The following GALNTL6 variants were observed in gnomAD, a reference collection of about 807,000 sequenced individuals.
The protein encoded by GALNTL6 is polypeptide N-acetylgalactosaminyltransferase like 6, also known as polypeptide N-acetylgalactosaminyltransferase-like 6.
In GALNTL6, 46 loss-of-function variants were observed where a neutral mutation model predicts 73.7. The ratio of observed to expected loss-of-function variants is 0.62; its 90% confidence interval spans 0.49 to 0.80. The LOEUF (loss-of-function observed/expected upper bound fraction) is 0.80. Among genes scored for constraint, GALNTL6 ranks in the 30% least tolerant of loss-of-function variants. The probability of loss-of-function intolerance (pLI) is 0.00; values close to 1 mark genes in which losing one functional copy is unlikely to be tolerated. For missense variants in GALNTL6, 604 were observed against 755.0 expected (o/e 0.80, Z 2.34); for synonymous variants, 259 against 263.7 (o/e 0.98, Z 0.17).
At chr4:172,564,061 T>A in intron 5 of GALNTL6, among the ~76,000 whole-genome samples, 1 of 152,214 alleles carries the variant, frequency 6.6e-6, no homozygotes, top group Non-Finnish European at 1.5e-5. Flanking sequence ...CTCTGTCTCA[T>A]TTAGTTTTAT....
chr4:172,195,335 T>C (rs572268714), intron 2 of GALNTL6, among the ~76,000 whole-genome samples: 2 of 152,274 alleles, frequency 1.3e-5, no homozygotes, highest in Admixed American at 6.5e-5. Context: ...CACAGGATAA[T>C]AGTGGGATAT....
chr4:172,725,404 A>C (rs1735736914), intron 5 of GALNTL6, among the ~76,000 whole-genome samples: 1 of 152,170 alleles, frequency 6.6e-6, no homozygotes. Context: ...TGTCAGGAAA[A>C]ATATTACTCC....
At chr4:172,676,070 C>T (rs1047798607) in intron 5 of GALNTL6, among the ~76,000 whole-genome samples, 1 of 152,090 alleles carries the variant, frequency 6.6e-6, no homozygotes, top group Admixed American at 6.5e-5. Context: ...TGACCCAGAA[C>T]AAAAAAGTAT....
intron 2 of GALNTL6, among the ~76,000 whole-genome samples, chr4:171,883,350 TCAAAA>T: frequency 6.6e-6 from 1 of 152,194 alleles, no homozygotes; most frequent in East Asian, 1.9e-4. Flanking sequence ...AGACTCCATC[TCAAAA>T]CAAAAGTAAA....
At chr4:172,506,091 G>A (rs13147455) in intron 5 of GALNTL6, among the ~76,000 whole-genome samples, 35,409 of 53,186 alleles carry the variant, frequency 0.67, 17,157 homozygotes, top group Non-Finnish European at 0.99. Flanking sequence ...CCAGAGTCAT[G>A]TGGACCCTAG....
At chr4:172,631,270 G>A (rs982304924) in intron 5 of GALNTL6, among the ~76,000 whole-genome samples, 9 of 151,538 alleles carry the variant, frequency 5.9e-5, no homozygotes, top group East Asian at 1.9e-4. Flanking sequence ...TCAGACTCCC[G>A]AGTAGCTGAG....
intron 5 of GALNTL6, among the ~76,000 whole-genome samples, chr4:172,684,035 A>G (rs920140601): frequency 2.0e-5 from 3 of 152,234 alleles, no homozygotes; most frequent in African/African-American, 7.2e-5. Context: ...CCATAGATGC[A>G]TCTATAAAGG....
At chr4:172,466,853 C>T (rs1484813132) in intron 5 of GALNTL6, among the ~76,000 whole-genome samples, 3 of 152,158 alleles carry the variant, frequency 2.0e-5, no homozygotes, top group Non-Finnish European at 4.4e-5. Flanking sequence ...TTCTTTTTCT[C>T]ATCTCAGTAT....
intron 5 of GALNTL6, among the ~76,000 whole-genome samples, chr4:172,702,080 G>A (rs1213509048): frequency 2.0e-5 from 3 of 151,958 alleles, no homozygotes; most frequent in Admixed American, 6.6e-5. Context: ...AAATGATCAA[G>A]CAGTCAGAAA....
rs146143578 is a variant in GALNTL6 at position 172,333,190 on chromosome 4, G to T, written c.387-15333G>T. On this transcript the variant is annotated intron_variant, in intron 4 of 12. Transcript: ENST00000506823. ...GGAGGCCAAGATGGGTGTATCACCTGAGGTTGGGAGTTCGAGACCAGCCTG... is the reference window on the plus strand; with the variant it reads ...GGAGGCCAAGATGGGTGTATCACCTTAGGTTGGGAGTTCGAGACCAGCCTG... Among the ~76,000 whole-genome samples the T allele has an allele frequency of 3.0e-4, 45 of 152,262 alleles. 1 individual carries two copies. In the East Asian group the frequency reaches 8.5e-3, roughly 29 times the overall value.
At chr4:172,887,846 G>A (rs1345983025) in intron 8 of GALNTL6, among the ~76,000 whole-genome samples, 1 of 152,178 alleles carries the variant, frequency 6.6e-6, no homozygotes, top group Non-Finnish European at 1.5e-5. Context: ...TTGTAGGCAT[G>A]AGCCACTGCA....
intron 4 of GALNTL6, among the ~76,000 whole-genome samples, chr4:172,330,298 G>A (rs1238130234): frequency 1.3e-5 from 2 of 152,146 alleles, no homozygotes. Context: ...TGGTGGAGGG[G>A]ATTCATGAGG....
intron 5 of GALNTL6, chr4:172,667,866 A>G (rs896896939): frequency 6.6e-6 from 1 of 152,322 alleles, no homozygotes; most frequent in Middle Eastern, 3.4e-3. Context: ...AGGATTTTAT[A>G]TGGAAAGCAC....
intron 2 of GALNTL6, among the ~76,000 whole-genome samples, chr4:171,943,774 T>C (rs1357765435): frequency 6.6e-6 from 1 of 152,166 alleles, no homozygotes; most frequent in Non-Finnish European, 1.5e-5. Context: ...AATGTTTTCC[T>C]TGAAGTTCAA....
intron 5 of GALNTL6, among the ~76,000 whole-genome samples, chr4:172,529,454 A>G (rs145868726): frequency 6.6e-6 from 1 of 152,026 alleles, no homozygotes. Context: ...TACTAGTTTT[A>G]TTTTTTTAAT....
chr4:172,321,915 C>G (rs1740769920), intron 4 of GALNTL6, among the ~76,000 whole-genome samples: 1 of 152,142 alleles, frequency 6.6e-6, no homozygotes, highest in Non-Finnish European at 1.5e-5. Flanking sequence ...ACATCTGAAA[C>G]TGGTGATCAG....
At chr4:172,695,837 C>T (rs1733654683) in intron 5 of GALNTL6, among the ~76,000 whole-genome samples, 1 of 151,910 alleles carries the variant, frequency 6.6e-6, no homozygotes, top group Non-Finnish European at 1.5e-5. Context: ...CCTGTAGTCC[C>T]AGATACTCAG....
chr4:172,017,383 A>G (rs1003135607), intron 2 of GALNTL6, among the ~76,000 whole-genome samples: 1 of 152,096 alleles, frequency 6.6e-6, no homozygotes, highest in Non-Finnish European at 1.5e-5. Flanking sequence ...TTTTCCAGGC[A>G]TGGATCTGGA....
intron 2 of GALNTL6, among the ~76,000 whole-genome samples, chr4:171,829,462 C>A (rs495911): frequency 2.0e-5 from 3 of 151,952 alleles, no homozygotes; most frequent in Admixed American, 1.3e-4. Context: ...TGATATGCAC[C>A]CACATCCAAT....
Sources: gnomAD v4.1 joint callset for allele counts (sites outside exome capture counted in the v4.1 genomes callset) on GRCh38, gnomAD v4.1.1 for gene constraint, MANE v1.5 for transcripts, NCBI Gene and HGNC (gene_info 2026-07-23, HGNC 2026-07-21) for gene names.